The following NKAIN2 variants were observed in gnomAD, a reference collection of about 807,000 sequenced individuals.
NKAIN2 encodes the protein sodium/potassium transporting ATPase interacting 2, also known as sodium/potassium-transporting ATPase subunit beta-1-interacting protein 2.
Under a neutral mutation model 32.6 loss-of-function variants are expected in NKAIN2, and 14 were observed. The observed-to-expected ratio is 0.43, with a 90% CI of 0.28 to 0.67. The LOEUF is 0.67. NKAIN2 is among the 30% of genes least tolerant of loss of function. NKAIN2 has a pLI of 0.17. For missense variants in NKAIN2, 198 were observed against 258.3 expected (o/e 0.77, Z 1.60); for synonymous variants, 80 against 87.2 (o/e 0.92, Z 0.46).
intron 2 of NKAIN2, among the ~76,000 whole-genome samples, chr6:124,345,453 C>A (rs947069716): frequency 2.6e-5 from 4 of 152,114 alleles, no homozygotes; most frequent in African/African-American, 9.7e-5. Flanking sequence ...GGCTGTGAAT[C>A]CATCTGGTCC....
At chr6:124,162,624 A>AATCGG (rs1267327698) in intron 1 of NKAIN2, among the ~76,000 whole-genome samples, 1 of 152,028 alleles carries the variant, frequency 6.6e-6, no homozygotes, top group East Asian at 1.9e-4. Flanking sequence ...TCAAAAGGAG[A>AATCGG]ATCGGTGGTG....
intron 4 of NKAIN2, among the ~76,000 whole-genome samples, chr6:124,754,152 G>A (rs1777853638): frequency 6.6e-6 from 1 of 152,022 alleles, no homozygotes; most frequent in South Asian, 2.1e-4. Flanking sequence ...GTACTATGAC[G>A]ATTGAGACTC....
intron 1 of NKAIN2, among the ~76,000 whole-genome samples, chr6:124,228,033 G>C (rs2114723293): frequency 6.6e-6 from 1 of 152,180 alleles, no homozygotes; most frequent in East Asian, 1.9e-4. Flanking sequence ...ATTCTCACGT[G>C]GCAAAGCAAG....
At chr6:123,857,969 G>A (rs931486398) in intron 1 of NKAIN2, among the ~76,000 whole-genome samples, 1 of 152,188 alleles carries the variant, frequency 6.6e-6, no homozygotes, top group Non-Finnish European at 1.5e-5. Flanking sequence ...TTGACTTGGA[G>A]AGATAGTGTG....
At chr6:123,846,454 A>G (rs1035360191) in intron 1 of NKAIN2, among the ~76,000 whole-genome samples, 13 of 152,274 alleles carry the variant, frequency 8.5e-5, no homozygotes, top group African/African-American at 2.9e-4. Flanking sequence ...TCTCTACCCC[A>G]TGGGTGTTTC....
At chr6:124,089,471 A>G (rs75127875) in intron 1 of NKAIN2, among the ~76,000 whole-genome samples, 2,949 of 152,030 alleles carry the variant, frequency 0.019, 90 homozygotes, top group African/African-American at 0.064. Flanking sequence ...ATTTTAACCT[A>G]GAACCCTATG....
intron 1 of NKAIN2, among the ~76,000 whole-genome samples, chr6:123,994,484 A>C (rs761919870): frequency 2.1e-4 from 32 of 152,120 alleles, no homozygotes; most frequent in Non-Finnish European, 3.7e-4. Context: ...ATCATAGGTC[A>C]TGTGCAGCTG....
chr6:124,201,438 C>A (rs1010565938), intron 1 of NKAIN2, among the ~76,000 whole-genome samples: 1 of 151,734 alleles, frequency 6.6e-6, no homozygotes, highest in African/African-American at 2.4e-5. Context: ...GGAATTCTAG[C>A]GGGGAAAGTA....
Position 124,338,357 on chromosome 6 carries a change from A to G in NKAIN2, c.193-16910A>G, listed in dbSNP as rs1289697435. Among the ~76,000 whole-genome samples, 7 of 152,212 alleles carry G rather than the reference A, an allele frequency of 4.6e-5. No individual in the cohort carries two copies. The East Asian group carries it at 1.3e-3, about 29-fold the overall frequency. Reference sequence around the variant, plus strand: ...TCTCCCAATTTTTAAGGGAGCAATGATAGGTGATAAGTGTAGAGCTGCTAC... The same window carrying G: ...TCTCCCAATTTTTAAGGGAGCAATGGTAGGTGATAAGTGTAGAGCTGCTAC... On this transcript the variant is annotated intron_variant, in intron 2 of 6. Coordinates refer to ENST00000368417, the MANE Select transcript of NKAIN2 (RefSeq NM_001040214.3).
intron 1 of NKAIN2, among the ~76,000 whole-genome samples, chr6:123,823,983 C>A (rs1253748391): frequency 6.6e-6 from 1 of 152,102 alleles, no homozygotes; most frequent in Admixed American, 6.6e-5. Context: ...TTAAAAAATA[C>A]TGAGCTGGGA....
intron 4 of NKAIN2, among the ~76,000 whole-genome samples, chr6:124,674,645 C>A (rs1175339477): frequency 2.0e-5 from 3 of 151,676 alleles, no homozygotes; most frequent in East Asian, 3.9e-4. Context: ...TTCTTAATTT[C>A]TTTTTCAGAT....
chr6:124,337,456 G>A (rs992690522), intron 2 of NKAIN2, among the ~76,000 whole-genome samples: 1 of 152,152 alleles, frequency 6.6e-6, no homozygotes, highest in African/African-American at 2.4e-5. Context: ...GCATTGAGCC[G>A]AGATTGCTCC....
intron 4 of NKAIN2, among the ~76,000 whole-genome samples, chr6:124,687,432 C>T (rs539623697): frequency 1.1e-3 from 1 of 884 alleles, no homozygotes; most frequent in Admixed American, 0.014. Flanking sequence ...TCCATGTATA[C>T]CATATACATA....
intron 1 of NKAIN2, among the ~76,000 whole-genome samples, chr6:123,910,511 T>TG (rs1253499109): frequency 7.0e-6 from 1 of 143,858 alleles, no homozygotes; most frequent in Non-Finnish European, 1.5e-5. Flanking sequence ...TTTTTTTTTT[T>TG]TTTTTTTTTT....
At chr6:124,322,986 T>G (rs554245641) in intron 2 of NKAIN2, among the ~76,000 whole-genome samples, 18 of 152,340 alleles carry the variant, frequency 1.2e-4, no homozygotes, top group Non-Finnish European at 2.6e-4. Flanking sequence ...TATGTAGTGA[T>G]ATCTCATTGT....
At chr6:124,799,083 A>T (rs1376399300) in intron 5 of NKAIN2, among the ~76,000 whole-genome samples, 1 of 152,240 alleles carries the variant, frequency 6.6e-6, no homozygotes, top group Non-Finnish European at 1.5e-5. Context: ...TGAATAAAGC[A>T]CCTGTCATTT....
intron 5 of NKAIN2, among the ~76,000 whole-genome samples, chr6:124,800,483 G>T (rs920352907): frequency 2.0e-5 from 3 of 152,226 alleles, no homozygotes; most frequent in African/African-American, 7.2e-5. Context: ...GCGTTGTGTG[G>T]CAGGGAGTGA....
chr6:123,950,554 C>T (rs182908543), intron 1 of NKAIN2, among the ~76,000 whole-genome samples: 28 of 151,810 alleles, frequency 1.8e-4, no homozygotes, highest in Admixed American at 1.7e-3. Context: ...AGAATTTATC[C>T]ACTTTCTCTA....
intron 3 of NKAIN2, among the ~76,000 whole-genome samples, chr6:124,383,516 TA>T (rs1306000795): frequency 6.6e-6 from 1 of 152,158 alleles, no homozygotes; most frequent in Non-Finnish European, 1.5e-5. Context: ...TCCTTGAACC[TA>T]TACCCCTGAC....
Sources: allele counts gnomAD v4.1 joint callset (sites outside exome capture counted in the v4.1 genomes callset), GRCh38; gene constraint gnomAD v4.1.1; transcripts MANE v1.5; gene names NCBI Gene and HGNC (gene_info 2026-07-23, HGNC 2026-07-21).